Variants in TMEM116 observed in about 807,000 individuals in gnomAD.
TMEM116 encodes transmembrane protein 116.
In TMEM116, 38 loss-of-function variants were observed where a neutral mutation model predicts 44.3. The observed-to-expected ratio is 0.86, with a 90% CI of 0.66 to 1.12. The LOEUF (loss-of-function observed/expected upper bound fraction) is 1.12. TMEM116 is among the 50% of genes most tolerant of loss of function. TMEM116 has a pLI of 0.00. For synonymous variants in TMEM116, 132 were observed against 144.8 expected (o/e 0.91, Z 0.64); for missense variants, 354 against 401.7 (o/e 0.88, Z 1.01).
chr12:112,010,225 A>T (rs1415673010), intron 1 of TMEM116, among the ~76,000 whole-genome samples: 2 of 152,142 alleles, frequency 1.3e-5, no homozygotes, highest in Non-Finnish European at 2.9e-5. Context: ...TATTTCCACC[A>T]GTTACATAAA....
intron 4 of TMEM116, among the ~76,000 whole-genome samples, chr12:111,969,628 A>G (rs2075211218): frequency 6.6e-6 from 1 of 151,656 alleles, no homozygotes; most frequent in South Asian, 2.1e-4. Flanking sequence ...CCCAGGCGGG[A>G]CTGCAATGGT....
chr12:111,989,872 A>C (rs2076443295), intron 4 of TMEM116, among the ~76,000 whole-genome samples: 1 of 152,216 alleles, frequency 6.6e-6, no homozygotes, highest in Non-Finnish European at 1.5e-5. Context: ...TGATGATTTC[A>C]CAGGGGAATA....
At chr12:112,005,177 CA>C in intron 2 of TMEM116, 79 bp downstream of exon 2, 1 of 990,880 alleles carries the variant, frequency 1.0e-6, no homozygotes, top group Non-Finnish European at 1.4e-6. Flanking sequence ...AGCAAATCCC[CA>C]AGGGGGAAAT....
Position 111,934,022 on chromosome 12 carries a change from A to G in TMEM116, c.597T>C (p.Leu199=). Residue 199 remains leucine, a synonymous_variant, in exon 9 of 11, where the codon CTT becomes CTC. Transcript: ENST00000552374. ...VLSLLTIMVL[L]IRAQTLYKKF... ...TCTTATACAATGTCTGGGCTCGGAT[A>G]AGTAAGACCTAAATATGAGTACAGC... The G allele has an allele frequency of 6.2e-7, 1 of 1,614,136 alleles. No homozygotes were observed. Among genetic ancestry groups the G allele is most frequent in the Non-Finnish European group, 8.5e-7 (1 of 1,180,016 alleles).
intron 4 of TMEM116, among the ~76,000 whole-genome samples, chr12:111,990,717 TA>T (rs2076511354): frequency 6.6e-6 from 1 of 152,202 alleles, no homozygotes; most frequent in Non-Finnish European, 1.5e-5. Context: ...CAGTATTACA[TA>T]CTGATGGCAC....
In TMEM116 at chr12:112,005,613, A is replaced by C. The variant is rs527550305; in HGVS notation, c.-33-310T>G. 1.4e-5 allele frequency: 12 copies of C among 854,650 alleles called. No homozygotes were observed. In the African/African-American group the frequency reaches 2.2e-4, roughly 16 times the overall value. 52.9% of individuals were successfully genotyped at this position (854,650 alleles called of 1,614,324 possible). On this transcript the variant is annotated intron_variant, in intron 1 of 10. Transcript: ENST00000552374. Reference sequence around the variant, plus strand: ...ACTGAGGCTCATACCTGTAATCCCGACACTTTGAGAGGCTGAGGTAAGACG... The same window carrying C: ...ACTGAGGCTCATACCTGTAATCCCGCCACTTTGAGAGGCTGAGGTAAGACG...
Position 111,993,496 on chromosome 12 carries a change from T to G in TMEM116, c.79-1607A>C, listed in dbSNP as rs1463996189. On this transcript the variant is annotated intron_variant, in intron 3 of 10. Transcript: ENST00000552374. ...CACTGTATTTGGCTGCCTCTGCCAG[T>G]GCTGAATTCTTTGCTGTAATTGCCC... 1.7e-5 allele frequency: 9 copies of G among 545,226 alleles called. No homozygotes were observed. In the Admixed American group the frequency reaches 1.7e-4, roughly 10 times the overall value. 33.8% of individuals were successfully genotyped at this position (545,226 alleles called of 1,614,324 possible). A position where few individuals can be genotyped will look rare whatever the true frequency, so the allele number is the denominator to read the frequency against.
intron 4 of TMEM116, among the ~76,000 whole-genome samples, chr12:111,991,017 G>A (rs957939981): frequency 6.6e-6 from 1 of 151,912 alleles, no homozygotes; most frequent in East Asian, 1.9e-4. Flanking sequence ...TCAAGAGATC[G>A]AGACCATCCT....
At chr12:112,012,967 T>A (rs1368901628) in intron 1 of TMEM116, 35 bp downstream of exon 1, 2 of 155,588 alleles carry the variant, frequency 1.3e-5, no homozygotes, top group Non-Finnish European at 2.9e-5. Context: ...GGAGCCTGAC[T>A]GAGAATAACG....
chr12:111,931,604 G>A lies in TMEM116; in HGVS notation c.*17C>T. 2 of 1,607,436 alleles carry A rather than the reference G, an allele frequency of 1.2e-6. No homozygotes were observed. Among genetic ancestry groups the A allele is most frequent in the Non-Finnish European group, 1.7e-6 (2 of 1,173,974 alleles). On this transcript the variant is annotated 3_prime_UTR_variant, in exon 11 of 11. Coordinates refer to ENST00000552374, the MANE Select transcript of TMEM116 (RefSeq NM_001193531.2). ...CGTAGAATAACTCCAGTTCCTGGATGTTCCAGTATTGTAGTTTCAAAAAAT... is the reference window on the plus strand; with the variant it reads ...CGTAGAATAACTCCAGTTCCTGGATATTCCAGTATTGTAGTTTCAAAAAAT...
At chr12:111,947,317 C>T (rs1306998399) in intron 4 of TMEM116, among the ~76,000 whole-genome samples, 2 of 152,030 alleles carry the variant, frequency 1.3e-5, no homozygotes, top group Admixed American at 6.6e-5. Flanking sequence ...CAGAATCAGA[C>T]TCTAAATTAA....
chr12:111,981,804 GGATA>G (rs969759997), intron 4 of TMEM116, among the ~76,000 whole-genome samples: 11 of 152,156 alleles, frequency 7.2e-5, no homozygotes, highest in African/African-American at 2.6e-4. Flanking sequence ...ATAGATGAAT[GGATA>G]AAGAAAATAT....
chr12:111,958,260 G>A (rs1321861064), intron 4 of TMEM116, among the ~76,000 whole-genome samples: 2 of 82,086 alleles, frequency 2.4e-5, no homozygotes, highest in South Asian at 4.7e-4. Flanking sequence ...AAACACCCAC[G>A]AATGATCAAT....
chr12:111,968,083 A>G (rs568462118), intron 4 of TMEM116, among the ~76,000 whole-genome samples: 5 of 152,190 alleles, frequency 3.3e-5, no homozygotes, highest in African/African-American at 1.2e-4. Flanking sequence ...CAAACAAACA[A>G]AAGGCTTCAC....
chr12:111,999,975 T>C lies in TMEM116; in HGVS notation c.78+3825A>G, dbSNP rs543376068. On this transcript the variant is annotated intron_variant, in intron 3 of 10. Transcript: ENST00000552374. ...CTAATATTTATGCTGCTTTTTTTTG[T>C]TTAAAGTCATCACTGTAGAAAGGGT... Among the ~76,000 whole-genome samples the C allele has an allele frequency of 9.2e-5, 14 of 152,352 alleles. No homozygotes were observed. The South Asian group carries it at 1.2e-3, about 14-fold the overall frequency.
At chr12:111,965,184 C>T (rs2074901023) in intron 4 of TMEM116, among the ~76,000 whole-genome samples, 1 of 152,066 alleles carries the variant, frequency 6.6e-6, no homozygotes, top group Admixed American at 6.6e-5. Context: ...CTCCTCCTAC[C>T]CCCATTTTTT....
intron 4 of TMEM116, among the ~76,000 whole-genome samples, chr12:111,947,263 T>C (rs2073364624): frequency 2.6e-5 from 4 of 152,076 alleles, no homozygotes; most frequent in Admixed American, 2.6e-4. Context: ...GATCCTGTTT[T>C]GAGCAAGTGT....
At chr12:111,996,337 T>TA (rs1048356020) in intron 3 of TMEM116, among the ~76,000 whole-genome samples, 11 of 151,970 alleles carry the variant, frequency 7.2e-5, no homozygotes, top group Admixed American at 7.2e-4. Context: ...AACTGTGTTT[T>TA]AAAAAAATTA....
chr12:111,981,074 A>G (rs536026915), intron 4 of TMEM116, among the ~76,000 whole-genome samples: 2 of 152,256 alleles, frequency 1.3e-5, no homozygotes, highest in South Asian at 4.1e-4. Context: ...CAAAAAAAAA[A>G]AAAAAGAAAC....
Sources: gnomAD v4.1 joint callset for allele counts (sites outside exome capture counted in the v4.1 genomes callset) on GRCh38, gnomAD v4.1.1 for gene constraint, MANE v1.5 for transcripts, NCBI Gene and HGNC (gene_info 2026-07-23, HGNC 2026-07-21) for gene names.